NAALADL2: variants seen among roughly 807,000 people sequenced by gnomAD.
NAALADL2 encodes the protein inactive N-acetylated-alpha-linked acidic dipeptidase-like protein 2.
In NAALADL2, 76 loss-of-function variants were observed where a neutral mutation model predicts 87.2. The ratio of observed to expected loss-of-function variants is 0.87; its 90% CI spans 0.72 to 1.05. The LOEUF (loss-of-function observed/expected upper bound fraction) is 1.05, where lower values mean the gene tolerates loss of function less well. Ranked by LOEUF, NAALADL2 falls within the 50% of genes least tolerant of loss-of-function variation. The pLI is 0.00. For synonymous variants in NAALADL2, 354 were observed against 331.0 expected, an observed-to-expected ratio of 1.07 and a Z score of -0.75; for missense variants, 1,089 against 945.8, an observed-to-expected ratio of 1.15 and a Z score of -1.99.
rs989607756 is a variant in NAALADL2, at chr3:175,466,964, C to G, written c.1328-15C>G. On this transcript the variant is annotated splice_polypyrimidine_tract_variant and intron_variant, in intron 7 of 13. Transcript: ENST00000454872. ...TACATTTTTTTAAATGGCTCTTGTC[C>G]CTTTCTATTTTCAGACCGGTATATC... The G allele has an allele frequency of 5.7e-6, 9 of 1,589,850 alleles. No individual in the cohort carries two copies. The African/African-American group carries it at 1.1e-4, about 19-fold the overall frequency.
intron 2 of NAALADL2, among the ~76,000 whole-genome samples, chr3:174,568,396 TCACCACACCGTATTG>T (rs1416341839): frequency 6.6e-6 from 1 of 151,800 alleles, no homozygotes; most frequent in Non-Finnish European, 1.5e-5. Context: ...GAAAGTCTTT[TCACCACACCGTATTG>T]CTTGCCCATG....
chr3:175,618,599 T>C (rs893332637), intron 10 of NAALADL2, among the ~76,000 whole-genome samples: 7 of 152,150 alleles, frequency 4.6e-5, no homozygotes, highest in Non-Finnish European at 8.8e-5. Flanking sequence ...AGGTTGCTTA[T>C]TCATCTGGAA....
intron 1 of NAALADL2, among the ~76,000 whole-genome samples, chr3:174,973,909 T>A (rs1436075138): frequency 1.3e-5 from 2 of 152,204 alleles, no homozygotes; most frequent in Non-Finnish European, 2.9e-5. Context: ...ATATCTCTTT[T>A]GCCAAGTTGA....
intron 4 of NAALADL2, among the ~76,000 whole-genome samples, chr3:175,295,811 A>T (rs1398530515): frequency 4.0e-5 from 6 of 151,476 alleles, no homozygotes; most frequent in African/African-American, 1.5e-4. Context: ...CCCTAAAACA[A>T]TCATACAATG....
At chr3:174,630,228 T>A (rs1480632608) in intron 2 of NAALADL2, among the ~76,000 whole-genome samples, 2 of 152,192 alleles carry the variant, frequency 1.3e-5, no homozygotes, top group Non-Finnish European at 2.9e-5. Context: ...ATTTTTTGAC[T>A]TTCTTTGAAG....
chr3:175,578,762 T>A, intron 10 of NAALADL2, among the ~76,000 whole-genome samples: 1 of 152,326 alleles, frequency 6.6e-6, no homozygotes, highest in Admixed American at 6.5e-5. Flanking sequence ...AGTCTATCAA[T>A]ATATTTTGTT....
At chr3:174,516,832 A>G (rs1043223316) in intron 1 of NAALADL2, among the ~76,000 whole-genome samples, 1 of 152,034 alleles carries the variant, frequency 6.6e-6, no homozygotes, top group Admixed American at 6.6e-5. Flanking sequence ...TGGTAAAAAA[A>G]TCACACAAGT....
At chr3:175,797,854 T>C (rs1264392344) in intron 13 of NAALADL2, among the ~76,000 whole-genome samples, 3 of 152,084 alleles carry the variant, frequency 2.0e-5, no homozygotes, top group African/African-American at 7.2e-5. Context: ...ATTAAAATGG[T>C]ATAATACTGG....
chr3:174,568,714 C>T (rs1476885957), intron 2 of NAALADL2, among the ~76,000 whole-genome samples: 1 of 151,526 alleles, frequency 6.6e-6, no homozygotes, highest in Non-Finnish European at 1.5e-5. Context: ...ACTGTAAGTC[C>T]ATATGGGGAG....
intron 3 of NAALADL2, among the ~76,000 whole-genome samples, chr3:174,739,641 G>A (rs1263808595): frequency 3.3e-5 from 5 of 152,028 alleles, no homozygotes; most frequent in Non-Finnish European, 7.4e-5. Flanking sequence ...AGCTGTTACT[G>A]ACTTAATTAT....
chr3:174,692,044 C>A (rs1192838772), intron 2 of NAALADL2: 1 of 152,170 alleles, frequency 6.6e-6, no homozygotes, highest in Non-Finnish European at 1.5e-5. Flanking sequence ...CTTCAAAACT[C>A]CTGTTAATAT....
intron 4 of NAALADL2, among the ~76,000 whole-genome samples, chr3:175,298,377 G>A (rs763235018): frequency 6.6e-6 from 1 of 152,062 alleles, no homozygotes; most frequent in Non-Finnish European, 1.5e-5. Flanking sequence ...CATCTTAGTT[G>A]TGACTTCTTG....
At chr3:174,692,673 T>C (rs1728685395) in intron 2 of NAALADL2, among the ~76,000 whole-genome samples, 1 of 152,066 alleles carries the variant, frequency 6.6e-6, no homozygotes, top group Non-Finnish European at 1.5e-5. Flanking sequence ...CTAGGACAAA[T>C]TACTAAGCCC....
intron 5 of NAALADL2, among the ~76,000 whole-genome samples, chr3:175,333,564 G>A (rs999067375): frequency 1.3e-5 from 2 of 152,092 alleles, no homozygotes; most frequent in African/African-American, 2.4e-5. Flanking sequence ...AAATAAACAA[G>A]GCATAGAAAT....
At chr3:175,403,287 T>TTTTTTTTACTCTGAGCTTTTTTTAC (rs1711687902) in intron 5 of NAALADL2, among the ~76,000 whole-genome samples, 1 of 152,096 alleles carries the variant, frequency 6.6e-6, no homozygotes, top group Non-Finnish European at 1.5e-5. Context: ...TTTTTATTTT[T>TTTTTTTTACTCTGAGCTTTTTTTAC]TGAAGCTGTG....
chr3:175,699,550 C>A (rs2149960111), intron 11 of NAALADL2, among the ~76,000 whole-genome samples: 1 of 152,140 alleles, frequency 6.6e-6, no homozygotes, highest in East Asian at 1.9e-4. Context: ...GCCCTCTACC[C>A]CTCAGTTACT....
At chr3:175,435,303 G>A (rs1156369036) in intron 5 of NAALADL2, among the ~76,000 whole-genome samples, 2 of 151,804 alleles carry the variant, frequency 1.3e-5, no homozygotes, top group Admixed American at 6.6e-5. Flanking sequence ...TCTTTGTTTC[G>A]ATGTGACTAT....
chr3:174,522,776 A>C (rs1419117658), intron 1 of NAALADL2, among the ~76,000 whole-genome samples: 1 of 151,908 alleles, frequency 6.6e-6, no homozygotes, highest in Non-Finnish European at 1.5e-5. Context: ...CTACTAAAAA[A>C]TACAAAAATT....
intron 1 of NAALADL2, among the ~76,000 whole-genome samples, chr3:174,521,481 G>A (rs1398686731): frequency 1.4e-5 from 2 of 147,692 alleles, no homozygotes. Context: ...CACAAGAATC[G>A]CTTGGGCTTG....
Sources: allele counts gnomAD v4.1 joint callset (sites outside exome capture counted in the v4.1 genomes callset), GRCh38; gene constraint gnomAD v4.1.1; transcripts MANE v1.5; gene names NCBI Gene and HGNC (gene_info 2026-07-23, HGNC 2026-07-21).